Variants in CACNA1C observed in about 807,000 individuals in gnomAD.
The protein encoded by CACNA1C is voltage-dependent L-type calcium channel subunit alpha-1C.
CACNA1C carries 30 observed loss-of-function variants against 229.0 expected under a neutral mutation model. The observed-to-expected ratio is 0.13, with a 90% CI of 0.10 to 0.18. The LOEUF (loss-of-function observed/expected upper bound fraction) is 0.18. Ranked by LOEUF, CACNA1C falls within the 10% of genes least tolerant of loss-of-function variation. The pLI is 1.00. For synonymous variants in CACNA1C, 1,114 were observed against 1,132.5 expected (o/e 0.98, Z 0.33); for missense variants, 1,658 against 2,845.0 (o/e 0.58, Z 9.49).
At chr12:2,514,238 G>C (rs2099791291) in intron 9 of CACNA1C, among the ~76,000 whole-genome samples, 1 of 152,200 alleles carries the variant, frequency 6.6e-6, no homozygotes, top group African/African-American at 2.4e-5. Context: ...GACGAAGATA[G>C]CCAAAGATGT....
At chr12:2,060,098 G>T (rs371426959) in intron 1 of CACNA1C, among the ~76,000 whole-genome samples, 1 of 152,182 alleles carries the variant, frequency 6.6e-6, no homozygotes, top group Non-Finnish European at 1.5e-5. Context: ...GCAAAATTCA[G>T]ATCACGATTT....
intron 1 of CACNA1C, among the ~76,000 whole-genome samples, chr12:2,044,217 A>T (rs1302927909): frequency 6.6e-6 from 1 of 152,240 alleles, no homozygotes; most frequent in African/African-American, 2.4e-5. Context: ...TGACTGAAGG[A>T]AGACCTATCT....
chr12:2,446,423 A>C (rs1198127735), intron 3 of CACNA1C, among the ~76,000 whole-genome samples: 2 of 84,570 alleles, frequency 2.4e-5, no homozygotes, highest in South Asian at 4.6e-4. Context: ...TGGATGGATG[A>C]GTGGGTGGTT....
chr12:2,087,905 G>T (rs937381671), intron 1 of CACNA1C, among the ~76,000 whole-genome samples: 1 of 152,226 alleles, frequency 6.6e-6, no homozygotes, highest in African/African-American at 2.4e-5. Context: ...GGATGATTTT[G>T]TAAATGGAAC....
chr12:2,230,054 C>T (rs2064345265), intron 3 of CACNA1C, among the ~76,000 whole-genome samples: 1 of 152,174 alleles, frequency 6.6e-6, no homozygotes. Flanking sequence ...GGCAGCGATT[C>T]CCTCAGGTTA....
intron 1 of CACNA1C, among the ~76,000 whole-genome samples, chr12:2,059,358 C>T (rs771124211): frequency 1.3e-4 from 20 of 151,584 alleles, no homozygotes; most frequent in Non-Finnish European, 2.5e-4. Context: ...ATTGTAGGGA[C>T]TGTAGGAGAG....
rs149013171 is a variant in CACNA1C, at chr12:2,654,111, G to A, written c.4140+211G>A. On this transcript the variant is annotated intron_variant, in intron 33 of 46. Transcript: ENST00000399655. This position sits in a 1 kb window ranked among gnomAD's most constrained non-coding sequence, Gnocchi z 4.4. ...CCTGTAGGTAGCAGGAGAATGTCCC[G>A]GTACAGAATACACAGCCCAGAGAGC... Among the ~76,000 whole-genome samples the A allele has an allele frequency of 6.8e-3, 1,039 of 152,192 alleles. 19 individuals are homozygous for A. Among genetic ancestry groups the A allele is most frequent in the African/African-American group, 0.023 (953 of 41,516 alleles).
At chr12:2,342,707 A>G (rs1403761557) in intron 3 of CACNA1C, among the ~76,000 whole-genome samples, 1 of 152,222 alleles carries the variant, frequency 6.6e-6, no homozygotes, top group Non-Finnish European at 1.5e-5. Context: ...CCTCCAAGCC[A>G]TCATTTTGAA....
At chr12:2,664,649 C>G (rs1337580620) in intron 34 of CACNA1C, among the ~76,000 whole-genome samples, 176 bp from the exon 35 acceptor site, 4 of 152,160 alleles carry the variant, frequency 2.6e-5, no homozygotes, top group Non-Finnish European at 5.9e-5. Flanking sequence ...TTTAATAATG[C>G]TATGTGTTTC....
rs2097120872 is a variant in CACNA1C at position 2,348,659 on chromosome 12, G to A, written c.478-100317G>A. On this transcript the variant is annotated intron_variant, in intron 3 of 46. Coordinates refer to ENST00000399655, the MANE Select transcript of CACNA1C (RefSeq NM_000719.7). The surrounding 1 kb of genome is among the most constrained non-coding windows in gnomAD (Gnocchi z 4.7). ...TGAATATAAACTCATGCTTCCGTCT[G>A]CTGCCACACTTTAAGATTTCTCCCA... Among the ~76,000 whole-genome samples the A allele has an allele frequency of 6.6e-6, 1 of 152,138 alleles. No individual in the cohort carries two copies. Among genetic ancestry groups the A allele is most frequent in the Non-Finnish European group, 1.5e-5 (1 of 68,038 alleles).
intron 1 of CACNA1C, among the ~76,000 whole-genome samples, chr12:2,024,398 ATTT>A (rs2046965733): frequency 6.6e-6 from 1 of 152,148 alleles, no homozygotes; most frequent in Non-Finnish European, 1.5e-5. Flanking sequence ...GGGGGTAGAC[ATTT>A]ATTTCTCTCT....
At chr12:2,207,110 T>A (rs1294385211) in intron 3 of CACNA1C, among the ~76,000 whole-genome samples, 2 of 152,170 alleles carry the variant, frequency 1.3e-5, no homozygotes, top group Non-Finnish European at 2.9e-5. Flanking sequence ...CAGGACCACA[T>A]TCGAGGAGCA....
chr12:2,188,007 T>G (rs2097097755), intron 3 of CACNA1C, among the ~76,000 whole-genome samples: 1 of 152,184 alleles, frequency 6.6e-6, no homozygotes. Context: ...GCTTTGCTTC[T>G]GTGAGAAGCA....
intron 3 of CACNA1C, among the ~76,000 whole-genome samples, chr12:2,151,978 C>G (rs1342474286): frequency 6.6e-6 from 1 of 152,216 alleles, no homozygotes; most frequent in Non-Finnish European, 1.5e-5. Context: ...GGATGACTTA[C>G]AGTCAGCCTA....
chr12:2,311,701 A>G (rs1198977179), intron 3 of CACNA1C, among the ~76,000 whole-genome samples: 1 of 152,240 alleles, frequency 6.6e-6, no homozygotes, highest in Non-Finnish European at 1.5e-5. Flanking sequence ...ACGAATGGCC[A>G]CATTCATGGT....
chr12:2,050,796 G>A (rs116427961), upstream of CACNA1C, among the ~76,000 whole-genome samples: 557 of 152,248 alleles, frequency 3.7e-3, 6 homozygotes, highest in African/African-American at 0.013. Flanking sequence ...CAGAACCACT[G>A]GACAAAGGAA....
intron 3 of CACNA1C, among the ~76,000 whole-genome samples, chr12:2,362,527 C>A (rs1206422270): frequency 6.6e-6 from 1 of 152,166 alleles, no homozygotes; most frequent in Non-Finnish European, 1.5e-5. Flanking sequence ...TATTTCAAGA[C>A]CACACAGTTC....
At chr12:2,455,609 C>T (rs904372926) in intron 4 of CACNA1C, among the ~76,000 whole-genome samples, 40 of 152,200 alleles carry the variant, frequency 2.6e-4, no homozygotes, top group East Asian at 1.9e-4. Context: ...TCTATCCTCA[C>T]GGCCTCCCAC....
At chr12:2,579,957 G>A (rs915690661) in intron 13 of CACNA1C, among the ~76,000 whole-genome samples, 18 of 152,242 alleles carry the variant, frequency 1.2e-4, no homozygotes, top group Admixed American at 5.9e-4. Context: ...AAGAGGGGAG[G>A]GTGTTCTACC....
Sources: gnomAD v4.1 joint callset for allele counts (sites outside exome capture counted in the v4.1 genomes callset) on GRCh38, gnomAD v4.1.1 for gene constraint, Gnocchi (gnomAD v3.1) non-coding constraint, MANE v1.5 for transcripts, NCBI Gene and HGNC (gene_info 2026-07-23, HGNC 2026-07-21) for gene names.